The following MOCS2 variants were observed in gnomAD, a reference collection of about 807,000 sequenced individuals.
MOCS2 encodes molybdopterin synthase catalytic subunit.
MOCS2 carries 13 observed loss-of-function variants against 21.9 expected under a neutral mutation model. The ratio of observed to expected loss-of-function variants is 0.59; its 90% confidence interval spans 0.39 to 0.94. The LOEUF (loss-of-function observed/expected upper bound fraction) is 0.94. Among genes scored for constraint, MOCS2 ranks in the 40% least tolerant of loss-of-function variants. The pLI is 0.00. For synonymous variants in MOCS2, 92 were observed against 80.8 expected (o/e 1.14, Z -0.74); for missense variants, 227 against 218.3 (o/e 1.04, Z -0.25).
Position 53,109,323 on chromosome 5 carries a change from C to A in MOCS2, c.-242G>T. 9.5e-7 allele frequency: 1 copy of A among 1,057,018 alleles called. No homozygotes were observed. Among genetic ancestry groups the A allele is most frequent in the Admixed American group, 5.2e-5 (1 of 19,056 alleles). The allele number at this position is 1,057,018 out of a possible 1,614,324, so 65.5% of individuals were successfully genotyped here. A position where few individuals can be genotyped will look rare whatever the true frequency, so the allele number is the denominator to read the frequency against. On this transcript the variant is annotated 5_prime_UTR_variant, in exon 1 of 7. Transcript: ENST00000396954. ...AAATGATCAAGGGTGTAGAAATCCA[C>A]AGATGAAGCACAGTTCTTCACAAGA... is the stretch of plus-strand genomic sequence containing the variant.
intron 3 of MOCS2, among the ~76,000 whole-genome samples, chr5:53,102,652 A>G (rs1476018999): frequency 1.5e-5 from 2 of 136,478 alleles, no homozygotes; most frequent in Non-Finnish European, 3.2e-5. Context: ...TGCAGCCCTC[A>G]TAATAAGTGG....
At position 53,102,107 on chromosome 5, in the gene MOCS2, G is replaced by T; in HGVS notation, c.216C>A (p.Ser72=). The T allele has an allele frequency of 6.2e-7, 1 of 1,613,548 alleles. No individual in the cohort carries two copies. The highest frequency in any genetic ancestry group is 8.5e-7 in the Non-Finnish European group (1 of 1,179,722). The change falls in exon 4 of 7, where the codon TCC becomes TCA. Residue 72 remains serine (S), a synonymous_variant. Coordinates refer to ENST00000396954, the MANE Select transcript of MOCS2 (RefSeq NM_004531.5). ...AAAATTACAACTCACCTACAAATAG[G>T]GATATTGCACCACAGAGCGGAGAAA... ...LVISPLCGAI[S]LFVGTTRNNF...
chr5:53,102,265 G>T, intron 3 of MOCS2, 41 bp from the exon 4 acceptor site: 1 of 1,589,458 alleles, frequency 6.3e-7, no homozygotes. Flanking sequence ...GAAGTCCTAG[G>T]GGTAAAACAC....
chr5:53,095,871 T>C lies in MOCS2; in HGVS notation c.*2731A>G, dbSNP rs1295651064. 1 of 152,198 alleles carries C rather than the reference T, an allele frequency of 6.6e-6. No individual in the cohort carries two copies. Among genetic ancestry groups the C allele is most frequent in the African/African-American group, 2.4e-5 (1 of 41,460 alleles). The allele number at this position is 152,198 out of a possible 1,614,324, so 9.4% of individuals were successfully genotyped here. A position where few individuals can be genotyped will look rare whatever the true frequency, so the allele number is the denominator to read the frequency against. ...TACATCACTTGTTAAAAACTACAAATTGCATTTTCAAAAACTCCTTCCTGA... is the reference window on the plus strand; with the variant it reads ...TACATCACTTGTTAAAAACTACAAACTGCATTTTCAAAAACTCCTTCCTGA... On this transcript the variant is annotated 3_prime_UTR_variant, in exon 7 of 7. Transcript: ENST00000396954.
At position 53,109,568 on chromosome 5, in the gene MOCS2, C is replaced by CGT; in HGVS notation, c.-488_-487insAC. The CGT allele has an allele frequency of 1.6e-6, 2 of 1,263,536 alleles. No homozygotes were observed. Among genetic ancestry groups the CGT allele is most frequent in the Non-Finnish European group, 1.0e-6 (1 of 961,562 alleles). 78.3% of individuals were successfully genotyped at this position (1,263,536 alleles called of 1,614,324 possible). On this transcript the variant is annotated 5_prime_UTR_variant, in exon 1 of 7. Transcript: ENST00000396954. ...GGGCCCGGGGGCGGGGGCGGGGGCG[C>CGT]CCCCGAACCCAAGACGCCGGCCAGG... is the stretch of plus-strand genomic sequence containing the variant.
chr5:53,107,437 T>C (rs1238676385), intron 2 of MOCS2: 3 of 543,512 alleles, frequency 5.5e-6, no homozygotes, highest in Non-Finnish European at 9.8e-6. Context: ...CAACTCTTTA[T>C]TGGATGTTGT....
intron 1 of MOCS2, 144 bp from the exon 2 acceptor site, chr5:53,108,787 C>T: frequency 1.3e-6 from 1 of 798,998 alleles, no homozygotes. Context: ...TAAAAAATTT[C>T]AGTATACCTA....
At position 53,100,338 on chromosome 5, in the gene MOCS2, T is replaced by TG. The variant is rs200588517; in HGVS notation, c.501+72dup. On this transcript the variant is annotated intron_variant, in intron 6 of 6. Coordinates refer to ENST00000396954, the MANE Select transcript of MOCS2 (RefSeq NM_004531.5). ...ACAGTCAGTAAAAAGTCCATAAATA[T>TG]GGGGGGATTTATCTAAAAATTCCTG... The TG allele has an allele frequency of 1.4e-4, 214 of 1,535,834 alleles. 2 individuals are homozygous for TG. In the African/African-American group the frequency reaches 2.4e-3, roughly 17 times the overall value.
chr5:53,101,490 A>C lies in MOCS2; in HGVS notation c.246T>G (p.Phe82Leu). The change falls in exon 5 of 7, where the codon TTT becomes TTG. Residue 82 changes from phenylalanine (F) to leucine (L), a missense_variant. By Grantham distance (22) the Phe-to-Leu change is conservative. Transcript: ENST00000396954. ...SLFVGTTRNN[F>L]EGKKVISLEY... The stretch of plus-strand genomic sequence containing the variant: ...CTAAGCTAATGACTTTTTTCCCTTC[A>C]AAGTTATTTCTTGTAGTCCCTTTAA... 1.2e-6 allele frequency: 2 copies of C among 1,607,748 alleles called. No individual in the cohort carries two copies. The highest frequency in any genetic ancestry group is 2.2e-5 in the East Asian group (1 of 44,786).
chr5:53,098,527 G>T lies in MOCS2; in HGVS notation c.*75C>A. 1 of 1,318,926 alleles carries T rather than the reference G, an allele frequency of 7.6e-7. No homozygotes were observed. The highest frequency in any genetic ancestry group is 1.1e-6 in the Non-Finnish European group (1 of 912,204). 81.7% of individuals were successfully genotyped at this position (1,318,926 alleles called of 1,614,324 possible). A position where few individuals can be genotyped will look rare whatever the true frequency, so the allele number is the denominator to read the frequency against. The stretch of plus-strand genomic sequence containing the variant: ...CTTCAGTAAACTATCCTGATGTGGA[G>T]AGAAAAAAATCAAAATGTGATCAAT... On this transcript the variant is annotated 3_prime_UTR_variant, in exon 7 of 7. Transcript: ENST00000396954.
chr5:53,102,656 T>C (rs1052691374), intron 3 of MOCS2, among the ~76,000 whole-genome samples: 21 of 139,742 alleles, frequency 1.5e-4, no homozygotes, highest in African/African-American at 5.4e-4. Flanking sequence ...GCCCTCATAA[T>C]AAGTGGCTTC....
chr5:53,101,993 A>T, intron 4 of MOCS2, 104 bp downstream of exon 4: 1 of 1,257,030 alleles, frequency 8.0e-7, no homozygotes, highest in Non-Finnish European at 1.1e-6. Flanking sequence ...ATCTTGGTTT[A>T]AAGTTCAGTA....
chr5:53,098,325 AT>A lies in MOCS2; in HGVS notation c.*276del, dbSNP rs1286260796. ...AATGTGTGTTGAGTTACAATTAGAA[AT>A]TAGTCATGGAAGGACATGTCTACCA... On this transcript the variant is annotated 3_prime_UTR_variant, in exon 7 of 7. Coordinates refer to ENST00000396954, the MANE Select transcript of MOCS2 (RefSeq NM_004531.5). The A allele has an allele frequency of 2.2e-6, 1 of 453,612 alleles. No individual in the cohort carries two copies. The highest frequency in any genetic ancestry group is 2.0e-5 in the African/African-American group (1 of 50,684). 28.1% of individuals were successfully genotyped at this position (453,612 alleles called of 1,614,324 possible). A position where few individuals can be genotyped will look rare whatever the true frequency, so the allele number is the denominator to read the frequency against.
rs1561169950 is a variant in MOCS2 at position 53,095,696 on chromosome 5, T to C, written c.*2906A>G. 1 of 151,944 alleles carries C rather than the reference T, an allele frequency of 6.6e-6. No homozygotes were observed. Among genetic ancestry groups the C allele is most frequent in the Admixed American group, 6.6e-5 (1 of 15,234 alleles). The allele number at this position is 151,944 out of a possible 1,614,324, so 9.4% of individuals were successfully genotyped here. A position where few individuals can be genotyped will look rare whatever the true frequency, so the allele number is the denominator to read the frequency against. ...ATAAAATGTTAGAGAAAGAGAGCAC[T>C]AAGTTTTATTTCTTTGTTTTTCACA... On this transcript the variant is annotated 3_prime_UTR_variant, in exon 7 of 7. Coordinates refer to ENST00000396954, the MANE Select transcript of MOCS2 (RefSeq NM_004531.5).
intron 1 of MOCS2, among the ~76,000 whole-genome samples, chr5:53,108,861 T>C (rs1428369307): frequency 6.6e-6 from 1 of 152,242 alleles, no homozygotes. Flanking sequence ...GGATGCCTTT[T>C]AGTTTTACAA....
Position 53,098,275 on chromosome 5 carries a change from A to C in MOCS2, c.*327T>G, listed in dbSNP as rs146516869. 1 of 300,572 alleles carries C rather than the reference A, an allele frequency of 3.3e-6. No individual in the cohort carries two copies. The highest frequency in any genetic ancestry group is 4.7e-5 in the Admixed American group (1 of 21,474). The allele number at this position is 300,572 out of a possible 1,614,324, so 18.6% of individuals were successfully genotyped here. On this transcript the variant is annotated 3_prime_UTR_variant, in exon 7 of 7. Transcript: ENST00000396954. ...GGGAGTACGTTTCTGAGCTAGTTAA[A>C]GTCACTGAGGAGGGCCCATACCTCA...
At chr5:53,108,946 T>A (rs573201313) in intron 1 of MOCS2, among the ~76,000 whole-genome samples, 69 of 152,318 alleles carry the variant, frequency 4.5e-4, no homozygotes, top group Non-Finnish European at 7.8e-4. Flanking sequence ...TTAATTGACA[T>A]AAAAGTATAG....
chr5:53,100,871 G>T (rs1579932315), intron 5 of MOCS2: 3 of 335,864 alleles, frequency 8.9e-6, no homozygotes, highest in African/African-American at 2.1e-5. Flanking sequence ...ATGTCCTAAC[G>T]AGTATAATAC....
chr5:53,104,634 A>T (rs1013692026), intron 3 of MOCS2, among the ~76,000 whole-genome samples: 1 of 152,200 alleles, frequency 6.6e-6, no homozygotes, highest in Non-Finnish European at 1.5e-5. Flanking sequence ...CTGAGAAAGA[A>T]GCCTAGTGTT....
Sources: allele counts gnomAD v4.1 joint callset (sites outside exome capture counted in the v4.1 genomes callset), GRCh38; gene constraint gnomAD v4.1.1; transcripts MANE v1.5; gene names NCBI Gene and HGNC (gene_info 2026-07-23, HGNC 2026-07-21).